The following OPN1SW variants were observed in gnomAD, a reference collection of about 807,000 sequenced individuals.
OPN1SW encodes the protein short-wave-sensitive opsin 1.
A neutral mutation model predicts 31.9 loss-of-function variants in OPN1SW; 25 were observed. The ratio of observed to expected loss-of-function variants is 0.78; its 90% confidence interval spans 0.57 to 1.09. OPN1SW has a LOEUF of 1.09. Among genes scored for constraint, OPN1SW ranks in the 50% least tolerant of loss-of-function variants. The pLI, the probability that OPN1SW is intolerant of heterozygous loss-of-function variation, is 0.00. For synonymous variants in OPN1SW, 190 were observed against 171.9 expected, an observed-to-expected ratio of 1.11 and a Z score of -0.82; for missense variants, 424 against 448.0, an observed-to-expected ratio of 0.95 and a Z score of 0.48.
rs73467169 is a variant in OPN1SW, at chr7:128,774,893, G to A, written c.512+93C>T. 4 of 1,528,976 alleles carry A rather than the reference G, an allele frequency of 2.6e-6. No individual in the cohort carries two copies. In the African/African-American group the frequency reaches 4.1e-5, roughly 16 times the overall value. The allele number at this position is 1,528,976 out of a possible 1,614,324, so 94.7% of individuals were successfully genotyped here. A position where few individuals can be genotyped will look rare whatever the true frequency, so the allele number is the denominator to read the frequency against. On this transcript the variant is annotated intron_variant, in intron 2 of 4. Transcript: ENST00000249389. ...CATATTGCAACTCTTTAAAAGTAGA[G>A]GTCAAAGACTAAATAGTTATACCCA...
rs116508298 is a variant in OPN1SW, at chr7:128,774,802, G to C, written c.513-139C>G. 4.2e-3 allele frequency: 5,870 copies of C among 1,385,018 alleles called. 223 individuals carry two copies. The African/African-American group carries it at 0.075, about 18-fold the overall frequency. The allele number at this position is 1,385,018 out of a possible 1,614,324, so 85.8% of individuals were successfully genotyped here. ...CAGGGGGGTTTTCTGTCCTGACTGG[G>C]AGAAGCTACAGCAATTCCAACTGCA... On this transcript the variant is annotated intron_variant, in intron 2 of 4. Transcript: ENST00000249389.
intron 2 of OPN1SW, 43 bp from the exon 3 acceptor site, chr7:128,774,706 G>C: frequency 6.2e-7 from 1 of 1,612,820 alleles, no homozygotes; most frequent in Non-Finnish European, 8.5e-7. Context: ...CTCCACAAGA[G>C]TGCAGTGGGA....
intron 2 of OPN1SW, 39 bp from the exon 3 acceptor site, chr7:128,774,702 A>G (rs1801721052): frequency 6.2e-7 from 1 of 1,611,476 alleles, no homozygotes; most frequent in South Asian, 1.1e-5. Flanking sequence ...GACTCTCCAC[A>G]AGAGTGCAGT....
chr7:128,775,313 G>T, intron 1 of OPN1SW, 126 bp downstream of exon 1: 1 of 1,283,498 alleles, frequency 7.8e-7, no homozygotes, highest in Non-Finnish European at 1.1e-6. Flanking sequence ...CTTCTAGTCT[G>T]GGTTGCTTTG....
chr7:128,773,314 T>C (rs1801669862), intron 4 of OPN1SW, among the ~76,000 whole-genome samples: 1 of 152,228 alleles, frequency 6.6e-6, no homozygotes, highest in Non-Finnish European at 1.5e-5. Flanking sequence ...CCAGGATACA[T>C]GTGCAGGATG....
intron 2 of OPN1SW, 137 bp downstream of exon 2, chr7:128,774,849 T>C: frequency 7.5e-7 from 1 of 1,339,544 alleles, no homozygotes; most frequent in Non-Finnish European, 1.0e-6. Flanking sequence ...AGCACTTGTC[T>C]CCCACTGCCC....
Position 128,772,662 on chromosome 7 carries a change from G to A in OPN1SW, c.919-3C>T. On this transcript the variant is annotated splice_polypyrimidine_tract_variant and splice_region_variant and intron_variant, in intron 4 of 4. Transcript: ENST00000249389. ...ATCTTCATGATGCAAGCTTGGAACTGGAGAGAAAGGTACAATTGGAGATAA... is the reference window on the plus strand; with the variant it reads ...ATCTTCATGATGCAAGCTTGGAACTAGAGAGAAAGGTACAATTGGAGATAA... 6.2e-7 allele frequency: 1 copy of A among 1,614,044 alleles called. No individual in the cohort carries two copies. The highest frequency in any genetic ancestry group is 1.1e-5 in the South Asian group (1 of 91,082).
In OPN1SW at chr7:128,772,534, G is replaced by T; in HGVS notation, c.*6C>A. On this transcript the variant is annotated 3_prime_UTR_variant, in exon 5 of 5. Transcript: ENST00000249389. ...TAGCTGTTGCAAACAGGCCAATATT[G>T]GGTCCTCAGTTGGGGCCAACTTGGG... 6.2e-7 allele frequency: 1 copy of T among 1,614,090 alleles called. No homozygotes were observed. Among genetic ancestry groups the T allele is most frequent in the Non-Finnish European group, 8.5e-7 (1 of 1,179,992 alleles).
intron 4 of OPN1SW, 70 bp from the exon 5 acceptor site, chr7:128,772,729 C>G: frequency 2.5e-6 from 4 of 1,599,298 alleles, no homozygotes; most frequent in Non-Finnish European, 3.4e-6. Flanking sequence ...ACCTTATTCT[C>G]TGTATCACCA....
chr7:128,773,468 C>A (rs907370859), intron 4 of OPN1SW, among the ~76,000 whole-genome samples, 181 bp downstream of exon 4: 1 of 152,100 alleles, frequency 6.6e-6, no homozygotes. Context: ...ATTTTCTCGT[C>A]TTGATAACCG....
rs1285549649 is a variant in OPN1SW at position 128,772,526 on chromosome 7, C to G, written c.*14G>C. 8 of 1,613,974 alleles carry G rather than the reference C, an allele frequency of 5.0e-6. No homozygotes were observed. The African/African-American group carries it at 9.3e-5, about 19-fold the overall frequency. ...TTTAATTCTAGCTGTTGCAAACAGG[C>G]CAATATTGGGTCCTCAGTTGGGGCC... is the stretch of plus-strand genomic sequence containing the variant. On this transcript the variant is annotated 3_prime_UTR_variant, in exon 5 of 5. Transcript: ENST00000249389.
chr7:128,775,008 G>A lies in OPN1SW; in HGVS notation c.490C>T (p.Pro164Ser). The A allele has an allele frequency of 6.2e-7, 1 of 1,614,156 alleles. No individual in the cohort carries two copies. The highest frequency in any genetic ancestry group is 1.1e-5 in the South Asian group (1 of 91,078). Reference sequence around the variant, plus strand: ...CACCGGCTCCAGCCAAAGAAGGGTGGGATGGAGACGCCAATACCAATGGTC... The same window carrying A: ...CACCGGCTCCAGCCAAAGAAGGGTGAGATGGAGACGCCAATACCAATGGTC... ...TWTIGIGVSI[P>S]PFFGWSRFIP... The change falls in exon 2 of 5, where the codon CCA becomes TCA. Residue 164 changes from proline (P) to serine (S), a missense_variant. Coordinates refer to ENST00000249389, the MANE Select transcript of OPN1SW (RefSeq NM_001385125.1).
At chr7:128,772,771 C>T in intron 4 of OPN1SW, 112 bp from the exon 5 acceptor site, 1 of 1,437,278 alleles carries the variant, frequency 7.0e-7, no homozygotes. Context: ...ACCCAGAATG[C>T]CCTTAGGTGG....
At chr7:128,773,184 A>G (rs1002973888) in intron 4 of OPN1SW, among the ~76,000 whole-genome samples, 15 of 152,224 alleles carry the variant, frequency 9.9e-5, no homozygotes, top group African/African-American at 2.9e-4. Context: ...TCTGTGCTTC[A>G]CACATGCTCG....
In OPN1SW at chr7:128,774,888, G is replaced by A. The variant is rs1801725622; in HGVS notation, c.512+98C>T. 10 of 1,512,962 alleles carry A rather than the reference G, an allele frequency of 6.6e-6. No individual in the cohort carries two copies. The Middle Eastern group carries it at 6.7e-4, about 102-fold the overall frequency. 93.7% of individuals were successfully genotyped at this position (1,512,962 alleles called of 1,614,324 possible). On this transcript the variant is annotated intron_variant, in intron 2 of 4. Transcript: ENST00000249389. Reference sequence around the variant, plus strand: ...CGCCTCATATTGCAACTCTTTAAAAGTAGAGGTCAAAGACTAAATAGTTAT... The same window carrying A: ...CGCCTCATATTGCAACTCTTTAAAAATAGAGGTCAAAGACTAAATAGTTAT...
chr7:128,775,710 G>A lies in OPN1SW; in HGVS notation c.72C>T (p.His24=). 1 of 1,614,184 alleles carries A rather than the reference G, an allele frequency of 6.2e-7. No homozygotes were observed. Among genetic ancestry groups the A allele is most frequent in the South Asian group, 1.1e-5 (1 of 91,082 alleles). The change falls in exon 1 of 5, where the codon CAC becomes CAT. Residue 24 remains histidine, a synonymous_variant. Coordinates refer to ENST00000249389, the MANE Select transcript of OPN1SW (RefSeq NM_001385125.1). ...GGTAGAAGGCCCAGACAGGGGCAATGTGGTACTGAGGCCCATCCCACGGCC... is the reference window on the plus strand; with the variant it reads ...GGTAGAAGGCCCAGACAGGGGCAATATGGTACTGAGGCCCATCCCACGGCC... The part of the protein sequence containing the change: ...SVGPWDGPQY[H]IAPVWAFYLQ...
chr7:128,773,682 G>A lies in OPN1SW; in HGVS notation c.885C>T (p.Tyr295=), dbSNP rs1562887812. ...PSFFSKSACI[Y]NPIIYCFMNK... Reference sequence around the variant, plus strand: ...TCATGAAGCAGTAGATGATGGGATTGTAGATGCAAGCACTCTTGGAGAAGA... The same window carrying A: ...TCATGAAGCAGTAGATGATGGGATTATAGATGCAAGCACTCTTGGAGAAGA... The change falls in exon 4 of 5, where the codon TAC becomes TAT. Residue 295 remains tyrosine (Y), a synonymous_variant. Transcript: ENST00000249389. 3 of 1,614,236 alleles carry A rather than the reference G, an allele frequency of 1.9e-6. No individual in the cohort carries two copies. Among genetic ancestry groups the A allele is most frequent in the Non-Finnish European group, 2.5e-6 (3 of 1,180,038 alleles).
chr7:128,773,965 T>G, intron 3 of OPN1SW, 77 bp from the exon 4 acceptor site: 1 of 1,475,824 alleles, frequency 6.8e-7, no homozygotes, highest in Non-Finnish European at 9.0e-7. Flanking sequence ...TTTTTTAATT[T>G]TTAATTTTTA....
intron 4 of OPN1SW, among the ~76,000 whole-genome samples, chr7:128,773,150 G>C (rs1801661489): frequency 6.6e-6 from 1 of 152,208 alleles, no homozygotes; most frequent in Non-Finnish European, 1.5e-5. Flanking sequence ...AGATATTTTA[G>C]AGATTTTTGC....
Sources: allele counts gnomAD v4.1 joint callset (sites outside exome capture counted in the v4.1 genomes callset), GRCh38; gene constraint gnomAD v4.1.1; transcripts MANE v1.5; gene names NCBI Gene and HGNC (gene_info 2026-07-23, HGNC 2026-07-21).